CPED1: variants seen among roughly 807,000 people sequenced by gnomAD.
CPED1 encodes cadherin-like and PC-esterase domain-containing protein 1.
Under a neutral mutation model 128.2 loss-of-function variants are expected in CPED1, and 114 were observed. That is an observed-to-expected ratio of 0.89 (90% confidence interval 0.76 to 1.04). The LOEUF is 1.04. CPED1 is among the 50% of genes least tolerant of loss of function. CPED1 has a pLI of 0.00. For synonymous variants in CPED1, 462 were observed against 426.7 expected, an observed-to-expected ratio of 1.08 and a Z score of -1.02; for missense variants, 1,211 against 1,207.1, an observed-to-expected ratio of 1.00 and a Z score of -0.05.
rs1793765968 is a variant in CPED1, at chr7:121,064,244, A to G, written c.547A>G (p.Arg183Gly). 6 of 1,605,616 alleles carry G rather than the reference A, an allele frequency of 3.7e-6. No individual in the cohort carries two copies. The highest frequency in any genetic ancestry group is 4.3e-6 in the Non-Finnish European group (5 of 1,172,192). Residue 183 changes from arginine to glycine, a missense_variant, in exon 5 of 23, where the codon AGA (arginine) becomes GGA (glycine). Arg to Gly is a moderately radical substitution (Grantham distance 125, BLOSUM62 -2). Coordinates refer to ENST00000310396, the MANE Select transcript of CPED1 (RefSeq NM_024913.5). ...TCTTTTTCATTCCTTTCAGGCAAAC[A>G]GATTACCAGAAATACAGCAGCCACT... ...CQLGLHQKAN[R>G]LPEIQQPLCR...
At chr7:121,098,776 AT>A (rs1335441504) in intron 6 of CPED1, among the ~76,000 whole-genome samples, 12 of 118,590 alleles carry the variant, frequency 1.0e-4, no homozygotes, top group South Asian at 2.7e-4. Context: ...AAATATATAT[AT>A]ATAAAAATAT....
Position 121,064,252 on chromosome 7 carries a change from A to G in CPED1, c.555A>G (p.Pro185=), listed in dbSNP as rs79296869. 32,628 of 1,608,944 alleles carry G rather than the reference A, an allele frequency of 0.02. 419 individuals are homozygous for G. Among genetic ancestry groups the G allele is most frequent in the Non-Finnish European group, 0.024 (28,726 of 1,175,246 alleles). ...ATTCCTTTCAGGCAAACAGATTACC[A>G]GAAATACAGCAGCCACTTTGCAGAA... ...LGLHQKANRL[P]EIQQPLCRKE... is the part of the protein sequence containing the mutation. Residue 185 remains proline, a synonymous_variant, in exon 5 of 23, where the codon CCA becomes CCG. Coordinates refer to ENST00000310396, the MANE Select transcript of CPED1 (RefSeq NM_024913.5).
At chr7:121,277,113 A>C (rs1226993556) in intron 22 of CPED1, among the ~76,000 whole-genome samples, 1 of 152,168 alleles carries the variant, frequency 6.6e-6, no homozygotes, top group African/African-American at 2.4e-5. Context: ...GGACAAAAGC[A>C]AGCCTGGTTT....
At chr7:121,277,684 TTAAA>T (rs1266996234) in intron 22 of CPED1, among the ~76,000 whole-genome samples, 2 of 152,102 alleles carry the variant, frequency 1.3e-5, no homozygotes, top group African/African-American at 4.8e-5. Flanking sequence ...CCTGAGCGAA[TTAAA>T]TAAGTCTTTG....
At chr7:121,052,558 G>A (rs1403685539) in intron 4 of CPED1, among the ~76,000 whole-genome samples, 5 of 152,134 alleles carry the variant, frequency 3.3e-5, no homozygotes, top group South Asian at 2.1e-4. Context: ...TTATGATTGC[G>A]TGAGTCACTG....
At chr7:121,087,682 G>T (rs2110282) in intron 5 of CPED1, among the ~76,000 whole-genome samples, 2 of 111,574 alleles carry the variant, frequency 1.8e-5, no homozygotes, top group African/African-American at 4.1e-5. Flanking sequence ...TTTTTTTTTG[G>T]CAGAGTCTTT....
intron 13 of CPED1, 43 bp downstream of exon 13, chr7:121,133,936 G>C (rs1371480357): frequency 2.5e-6 from 3 of 1,214,368 alleles, no homozygotes; most frequent in Non-Finnish European, 3.5e-6. Flanking sequence ...ATAAAAATAA[G>C]TATTTCCTGG....
intron 5 of CPED1, among the ~76,000 whole-genome samples, chr7:121,089,701 T>C (rs1016582371): frequency 6.6e-6 from 1 of 152,232 alleles, no homozygotes; most frequent in Non-Finnish European, 1.5e-5. Context: ...TAAACTACTT[T>C]TCACAGTGGG....
At chr7:121,129,313 GTATATATATA>G (rs71530055) in intron 11 of CPED1, among the ~76,000 whole-genome samples, 3 of 26,848 alleles carry the variant, frequency 1.1e-4, no homozygotes, top group East Asian at 2.7e-3. Context: ...ATATATATAC[GTATATATATA>G]TATATATATA....
intron 2 of CPED1, among the ~76,000 whole-genome samples, chr7:121,002,950 C>G (rs1367807549): frequency 6.6e-6 from 1 of 152,176 alleles, no homozygotes; most frequent in Non-Finnish European, 1.5e-5. Context: ...TACCCTGTGA[C>G]ATCTAGCATT....
At chr7:121,125,931 T>C (rs1795492996) in intron 9 of CPED1, 39 bp downstream of exon 9, 2 of 1,344,910 alleles carry the variant, frequency 1.5e-6, no homozygotes, top group Non-Finnish European at 2.1e-6. Flanking sequence ...TTCTACCTTG[T>C]GGTGAGAGAT....
intron 16 of CPED1, among the ~76,000 whole-genome samples, chr7:121,167,413 G>A (rs1671073151): frequency 6.6e-6 from 1 of 152,170 alleles, no homozygotes; most frequent in African/African-American, 2.4e-5. Context: ...GAGTTCTTTG[G>A]AATGCAACCA....
At chr7:121,258,391 A>G (rs1369359508) in intron 18 of CPED1, among the ~76,000 whole-genome samples, 1 of 152,114 alleles carries the variant, frequency 6.6e-6, no homozygotes, top group African/African-American at 2.4e-5. Context: ...TAGAAAGTAG[A>G]GGTGGGCACT....
intron 16 of CPED1, among the ~76,000 whole-genome samples, chr7:121,171,359 T>G (rs1796645519): frequency 3.3e-5 from 5 of 152,208 alleles, no homozygotes; most frequent in Admixed American, 3.3e-4. Context: ...AAATGTAATG[T>G]CTAGAGTTAG....
At chr7:121,227,240 C>T (rs1235371009) in intron 16 of CPED1, among the ~76,000 whole-genome samples, 1 of 151,964 alleles carries the variant, frequency 6.6e-6, no homozygotes. Flanking sequence ...TGCAGCTGGG[C>T]CCCACACCTA....
Position 121,295,536 on chromosome 7 carries a change from C to T in CPED1, c.2965C>T (p.Leu989=). ...MGRYFSNQSK[L]QQGTVTNFRS... is the part of the protein sequence containing the mutation. ...AAGATATTTCAGCAATCAAAGCAAA[C>T]TACAACAAGGCACTGTAACAAATTT... is the stretch of plus-strand genomic sequence containing the variant. Residue 989 remains leucine (L), a synonymous_variant, in exon 23 of 23, where the codon CTA becomes TTA. Transcript: ENST00000310396. 1 of 1,614,042 alleles carries T rather than the reference C, an allele frequency of 6.2e-7. No homozygotes were observed. Among genetic ancestry groups the T allele is most frequent in the Non-Finnish European group, 8.5e-7 (1 of 1,179,932 alleles).
chr7:121,114,853 G>A (rs895967688), intron 7 of CPED1, among the ~76,000 whole-genome samples: 2 of 152,190 alleles, frequency 1.3e-5, no homozygotes, highest in Non-Finnish European at 2.9e-5. Flanking sequence ...CACTTTTGTA[G>A]TAAAAAAGGA....
intron 5 of CPED1, among the ~76,000 whole-genome samples, chr7:121,067,862 C>T (rs1289476423): frequency 2.0e-5 from 3 of 152,116 alleles, no homozygotes; most frequent in African/African-American, 4.8e-5. Context: ...CTCTGATGGC[C>T]AGTGATGATG....
intron 4 of CPED1, among the ~76,000 whole-genome samples, chr7:121,058,181 G>A (rs756291951): frequency 1.5e-4 from 23 of 152,132 alleles, no homozygotes; most frequent in Non-Finnish European, 2.9e-4. Flanking sequence ...TGGAACTGTC[G>A]TAAGGACTGC....
Sources: allele counts gnomAD v4.1 joint callset (sites outside exome capture counted in the v4.1 genomes callset), GRCh38; gene constraint gnomAD v4.1.1; transcripts MANE v1.5; gene names NCBI Gene and HGNC (gene_info 2026-07-23, HGNC 2026-07-21).